CROCC2: variants seen among roughly 807,000 people sequenced by gnomAD.
CROCC2 encodes the protein ciliary rootlet coiled-coil protein 2.
CROCC2 carries 163 observed loss-of-function variants against 177.6 expected under a neutral mutation model. That is an observed-to-expected ratio of 0.92 (90% CI 0.81 to 1.05). The LOEUF (loss-of-function observed/expected upper bound fraction) is 1.05, where lower values mean the gene tolerates loss of function less well. Among genes scored for constraint, CROCC2 ranks in the 50% least tolerant of loss-of-function variants. The probability of loss-of-function intolerance (pLI) is 0.00; values close to 1 mark genes in which losing one functional copy is unlikely to be tolerated. For missense variants in CROCC2, 1,929 were observed against 1,797.8 expected (o/e 1.07, Z -1.32); for synonymous variants, 904 against 787.3 (o/e 1.15, Z -2.48).
Position 240,958,922 on chromosome 2 carries a change from G to A in CROCC2, c.2944-379G>A, listed in dbSNP as rs763455550. On this transcript the variant is annotated intron_variant, in intron 19 of 31. Coordinates refer to ENST00000690015, the MANE Select transcript of CROCC2 (RefSeq NM_001351305.2). The surrounding 1 kb of genome is among the most constrained non-coding windows in gnomAD (Gnocchi z 6.7). ...CCCAAGGCCCGAGAGGACACCTCGG[G>A]TGGTGTGTGCGACAGGGAGCCGACT... is the stretch of plus-strand genomic sequence containing the variant. 7.1e-4 allele frequency among the ~76,000 whole-genome samples: 108 copies of A among 152,316 alleles called. No individual in the cohort carries two copies. The highest frequency in any genetic ancestry group is 2.4e-3 in the Admixed American group (36 of 15,314).
At chr2:240,978,362 G>T (rs1574794488) in intron 27 of CROCC2, among the ~76,000 whole-genome samples, 1 of 40,650 alleles carries the variant, frequency 2.5e-5, no homozygotes, top group Admixed American at 2.6e-4. Flanking sequence ...TCAGTCTCTG[G>T]GGTAGGAGCC....
intron 14 of CROCC2, among the ~76,000 whole-genome samples, chr2:240,936,937 C>A (rs2059474944): frequency 1.3e-5 from 2 of 152,214 alleles, no homozygotes; most frequent in South Asian, 4.1e-4. Flanking sequence ...CTGTGATGCA[C>A]AAGGCTGCTA....
intron 31 of CROCC2, among the ~76,000 whole-genome samples, chr2:240,992,677 G>A (rs2059887994): frequency 6.6e-6 from 1 of 152,230 alleles, no homozygotes; most frequent in African/African-American, 2.4e-5. Flanking sequence ...GGTGGCACAG[G>A]TGCCCCGATA....
Position 240,958,624 on chromosome 2 carries a change from C to G in CROCC2, c.2944-677C>G. 1.0e-6 allele frequency: 1 copy of G among 984,310 alleles called. No individual in the cohort carries two copies. The allele number at this position is 984,310 out of a possible 1,614,324, so 61.0% of individuals were successfully genotyped here. ...CTGCCTGGAGGCTTGGTCCAGTCCC[C>G]TGAACCCAGGGGTGCAGAGCCTGAG... On this transcript the variant is annotated intron_variant, in intron 19 of 31. Coordinates refer to ENST00000690015, the MANE Select transcript of CROCC2 (RefSeq NM_001351305.2). This position sits in a 1 kb window ranked among gnomAD's most constrained non-coding sequence, Gnocchi z 6.7.
At chr2:240,932,972 C>A in intron 9 of CROCC2, 64 bp downstream of exon 9, 2 of 1,524,748 alleles carry the variant, frequency 1.3e-6, no homozygotes. Context: ...GCCCCTCAGG[C>A]TGAAGGGTAG....
At chr2:240,915,236 C>G (rs772538914) in intron 1 of CROCC2, among the ~76,000 whole-genome samples, 14 of 152,224 alleles carry the variant, frequency 9.2e-5, no homozygotes, top group Non-Finnish European at 1.8e-4. Context: ...AGGAGAGGCC[C>G]TGGTAGCAGC....
intron 28 of CROCC2, 90 bp downstream of exon 28, chr2:240,983,119 C>A: frequency 7.6e-7 from 1 of 1,311,860 alleles, no homozygotes; most frequent in Non-Finnish European, 1.0e-6. Context: ...TTTGCAGAAT[C>A]AGTCCCTCAA....
intron 15 of CROCC2, 124 bp from the exon 16 acceptor site, chr2:240,948,855 A>G: frequency 1.1e-6 from 1 of 901,462 alleles, no homozygotes; most frequent in Non-Finnish European, 1.7e-6. Context: ...CATAATTTCT[A>G]AAACATTCTT....
chr2:240,927,746 G>A (rs2059403147), intron 5 of CROCC2, among the ~76,000 whole-genome samples: 1 of 152,196 alleles, frequency 6.6e-6, no homozygotes, highest in African/African-American at 2.4e-5. Context: ...CGCCTCCCGG[G>A]TTCAAACGAT....
intron 19 of CROCC2, chr2:240,956,231 C>T: frequency 2.0e-6 from 1 of 507,654 alleles, no homozygotes; most frequent in East Asian, 3.2e-5. Flanking sequence ...TGGCAGGGGC[C>T]AGAGAGAGGG....
intron 7 of CROCC2, among the ~76,000 whole-genome samples, chr2:240,931,923 G>A (rs905908780): frequency 6.6e-6 from 1 of 152,260 alleles, no homozygotes. Context: ...GGAAGAAGGT[G>A]CATCCTGGGA....
intron 1 of CROCC2, among the ~76,000 whole-genome samples, chr2:240,906,862 C>T (rs1251010916): frequency 6.6e-6 from 1 of 152,010 alleles, no homozygotes; most frequent in Non-Finnish European, 1.5e-5. Flanking sequence ...TTCAGGTGGC[C>T]GGTGTCCCTT....
Position 240,967,826 on chromosome 2 carries a change from C to T in CROCC2, c.4268-303C>T, listed in dbSNP as rs977599928. On this transcript the variant is annotated intron_variant, in intron 26 of 31. Coordinates refer to ENST00000690015, the MANE Select transcript of CROCC2 (RefSeq NM_001351305.2). Reference sequence around the variant, plus strand: ...GCACCCTCTCCCCCAGACAGCCACACGGCTCTCCCCGGGCAGGCCCTGCCC... The same window carrying T: ...GCACCCTCTCCCCCAGACAGCCACATGGCTCTCCCCGGGCAGGCCCTGCCC... Among the ~76,000 whole-genome samples, 18 of 151,914 alleles carry T rather than the reference C, an allele frequency of 1.2e-4. No individual in the cohort carries two copies. In the South Asian group the frequency reaches 1.7e-3, roughly 14 times the overall value.
Position 240,968,259 on chromosome 2 carries a change from G to A in CROCC2, c.4398G>A (p.Leu1466=), listed in dbSNP as rs900862466. Residue 1466 remains leucine, a synonymous_variant, in exon 27 of 32, where the codon CTG becomes CTA. Transcript: ENST00000690015. ...VRAAGQEKRR[L]QEQLETLRQA... is the part of the protein sequence containing the mutation. Reference sequence around the variant, plus strand: ...CGGCAGGCCAGGAGAAGCGGCGGCTGCAGGTGGGGCAGGCGGCAGGGTGGG... The same window carrying A: ...CGGCAGGCCAGGAGAAGCGGCGGCTACAGGTGGGGCAGGCGGCAGGGTGGG... 6.5e-6 allele frequency: 10 copies of A among 1,527,412 alleles called. No individual in the cohort carries two copies. In the African/African-American group the frequency reaches 1.4e-4, roughly 21 times the overall value. 94.6% of individuals were successfully genotyped at this position (1,527,412 alleles called of 1,614,324 possible).
chr2:240,942,932 A>T (rs2059502704), intron 14 of CROCC2, among the ~76,000 whole-genome samples: 1 of 152,114 alleles, frequency 6.6e-6, no homozygotes. Context: ...GTCAGCTGCT[A>T]TTTTTTTGTT....
In CROCC2 at chr2:240,949,874, C is replaced by G. The variant is rs2059543360; in HGVS notation, c.2652+172C>G. On this transcript the variant is annotated intron_variant, in intron 17 of 31. Coordinates refer to ENST00000690015, the MANE Select transcript of CROCC2 (RefSeq NM_001351305.2). The surrounding 1 kb of genome is among the most constrained non-coding windows in gnomAD (Gnocchi z 4.5). ...TTATAGTTCACGTGGGCATCCAGGG[C>G]CTTCCCCGTGGAGCCCTCATATTGG... Among the ~76,000 whole-genome samples the G allele has an allele frequency of 6.6e-6, 1 of 152,210 alleles. No individual in the cohort carries two copies. The highest frequency in any genetic ancestry group is 2.4e-5 in the African/African-American group (1 of 41,450).
chr2:240,992,524 C>T (rs541306239), intron 31 of CROCC2, among the ~76,000 whole-genome samples: 2 of 152,342 alleles, frequency 1.3e-5, no homozygotes, highest in African/African-American at 4.8e-5. Flanking sequence ...GAGAGGTGGG[C>T]ATATAGGCTC....
chr2:240,930,083 G>A (rs928906258), intron 5 of CROCC2, 83 bp from the exon 6 acceptor site: 5 of 514,336 alleles, frequency 9.7e-6, no homozygotes, highest in African/African-American at 7.6e-5. Flanking sequence ...CCATGGAGAG[G>A]GACATGCACT....
intron 1 of CROCC2, among the ~76,000 whole-genome samples, chr2:240,913,893 G>A (rs1459458749): frequency 1.3e-5 from 2 of 152,272 alleles, no homozygotes; most frequent in South Asian, 4.1e-4. Flanking sequence ...GCAAGCAGAC[G>A]TCCGGTGGCT....
Sources: gnomAD v4.1 joint callset for allele counts (sites outside exome capture counted in the v4.1 genomes callset) on GRCh38, gnomAD v4.1.1 for gene constraint, Gnocchi (gnomAD v3.1) non-coding constraint, MANE v1.5 for transcripts, NCBI Gene and HGNC (gene_info 2026-07-23, HGNC 2026-07-21) for gene names.